The following ANK3 variants were observed in gnomAD, a reference collection of about 807,000 sequenced individuals.
The protein encoded by ANK3 is ankyrin-3.
Under a neutral mutation model 370.9 loss-of-function variants are expected in ANK3, and 57 were observed. The observed-to-expected ratio is 0.15, with a 90% CI of 0.12 to 0.19. The LOEUF (loss-of-function observed/expected upper bound fraction) is 0.19. ANK3 is among the 10% of genes least tolerant of loss of function. ANK3 has a pLI of 1.00. For missense variants in ANK3, 4,439 were observed against 5,302.1 expected (o/e 0.84, Z 5.06); for synonymous variants, 1,929 against 1,946.3 (o/e 0.99, Z 0.23).
intron 1 of ANK3, among the ~76,000 whole-genome samples, chr10:60,322,562 C>T (rs2048897672): frequency 6.6e-6 from 1 of 151,764 alleles, no homozygotes; most frequent in Non-Finnish European, 1.5e-5. Flanking sequence ...TCTGTAGCAT[C>T]CTTTTATCCC....
chr10:60,539,259 G>A (rs1458056566), intron 2 of ANK3, among the ~76,000 whole-genome samples: 1 of 151,894 alleles, frequency 6.6e-6, no homozygotes, highest in Non-Finnish European at 1.5e-5. Context: ...TTGATCCACA[G>A]GAAGTTTTAA....
chr10:60,158,907 C>T (rs2095425169), intron 23 of ANK3, among the ~76,000 whole-genome samples: 1 of 151,840 alleles, frequency 6.6e-6, no homozygotes, highest in African/African-American at 2.4e-5. Context: ...AACTCCTGGC[C>T]TCAAGTGATC....
At chr10:60,273,733 A>AC (rs2098038706) in intron 4 of ANK3, among the ~76,000 whole-genome samples, 1 of 152,028 alleles carries the variant, frequency 6.6e-6, no homozygotes. Context: ...TAATTGAATC[A>AC]TGGGGGGGGT....
rs1208989600 is a variant in ANK3, at chr10:60,395,549, CCTCTTTCTTTCTTTCTTTCTTTCTTTCT to C, written c.97-115938_97-115911del. Among the ~76,000 whole-genome samples, 99 of 119,094 alleles carry C rather than the reference CCTCTTTCTTTCTTTCTTTCTTTCTTTCT, an allele frequency of 8.3e-4. 1 individual carries two copies. Among genetic ancestry groups the C allele is most frequent in the African/African-American group, 2.9e-3 (93 of 31,638 alleles). 78.1% of individuals were successfully genotyped at this position (119,094 alleles called of 152,430 possible). ...GAACACTTAGCAATCAACTACTATG[CCTCTTTCTTTCTTTCTTTCTTTCTTTCT>C]TTCTTTCTTTCTTTCTTTCTTTCTT... On this transcript the variant is annotated intron_variant, in intron 2 of 43. Transcript: ENST00000373827.
intron 2 of ANK3, among the ~76,000 whole-genome samples, chr10:60,589,501 T>C (rs10761523): frequency 0.47 from 71,705 of 152,016 alleles, 17,312 homozygotes; most frequent in Middle Eastern, 0.52. Context: ...TTTTTTTAAG[T>C]TCAAGGTAGC....
chr10:60,337,827 T>A (rs1329863289), intron 1 of ANK3, among the ~76,000 whole-genome samples: 1 of 152,182 alleles, frequency 6.6e-6, no homozygotes, highest in Non-Finnish European at 1.5e-5. Context: ...TCCTGGTGAG[T>A]GCTATAGTAG....
chr10:60,110,828 A>T (rs1213552507), intron 26 of ANK3, among the ~76,000 whole-genome samples: 1 of 152,150 alleles, frequency 6.6e-6, no homozygotes, highest in Non-Finnish European at 1.5e-5. Flanking sequence ...TTCACGACAA[A>T]CTCTGGGCTT....
chr10:60,642,463 T>A (rs2078647751), intron 1 of ANK3, among the ~76,000 whole-genome samples: 2 of 152,176 alleles, frequency 1.3e-5, no homozygotes, highest in South Asian at 4.1e-4. Context: ...TAAGAAATGA[T>A]GAGTTCATGT....
chr10:60,358,161 T>A (rs894532923), intron 1 of ANK3, among the ~76,000 whole-genome samples: 2 of 151,632 alleles, frequency 1.3e-5, no homozygotes, highest in Non-Finnish European at 1.5e-5. Context: ...TTCTCTCTTA[T>A]CCCACTTTTC....
intron 1 of ANK3, among the ~76,000 whole-genome samples, chr10:60,718,945 A>G (rs956857780): frequency 9.9e-5 from 15 of 152,156 alleles, no homozygotes; most frequent in Admixed American, 9.8e-4. Context: ...TGGATTTATT[A>G]CAAAACACAT....
At chr10:60,160,445 G>T (rs2095469419) in intron 23 of ANK3, among the ~76,000 whole-genome samples, 1 of 152,098 alleles carries the variant, frequency 6.6e-6, no homozygotes, top group South Asian at 2.1e-4. Flanking sequence ...CCCAGGACCT[G>T]ATGGCTTTAC....
chr10:60,450,202 G>C (rs2064561069), intron 2 of ANK3, among the ~76,000 whole-genome samples: 1 of 152,152 alleles, frequency 6.6e-6, no homozygotes, highest in South Asian at 2.1e-4. Flanking sequence ...GCTGAGGCAG[G>C]AGGATCACTT....
chr10:60,068,777 T>C lies in ANK3; in HGVS notation c.12104A>G (p.Asn4035Ser). Reference sequence around the variant, plus strand: ...CCGGGAAGTCTCGGACAACGACGTGTTTCTTGAGGTACTTTCTTCCTCATC... The same window carrying C: ...CCGGGAAGTCTCGGACAACGACGTGCTTCTTGAGGTACTTTCTTCCTCATC... ...LSDEEESTSR[N>S]TSLSETSRGG... Residue 4035 changes from asparagine to serine, a missense_variant, in exon 37 of 44, where the codon AAC becomes AGC. Coordinates refer to ENST00000280772, the MANE Select transcript of ANK3 (RefSeq NM_020987.5). The C allele has an allele frequency of 6.2e-7, 1 of 1,614,210 alleles. No individual in the cohort carries two copies. Among genetic ancestry groups the C allele is most frequent in the Admixed American group, 1.7e-5 (1 of 60,028 alleles).
chr10:60,208,533 T>G (rs1278675810), intron 9 of ANK3, among the ~76,000 whole-genome samples: 2 of 152,218 alleles, frequency 1.3e-5, no homozygotes, highest in Admixed American at 6.5e-5. Flanking sequence ...TTCTTTTTCT[T>G]TTAAATAGAG....
intron 2 of ANK3, among the ~76,000 whole-genome samples, chr10:60,577,632 G>A (rs1264829051): frequency 6.6e-6 from 1 of 152,146 alleles, no homozygotes; most frequent in Non-Finnish European, 1.5e-5. Flanking sequence ...CCAGCCATGT[G>A]GAACTGTGAG....
intron 10 of ANK3, among the ~76,000 whole-genome samples, chr10:60,206,997 C>T (rs4948398): frequency 0.5 from 76,487 of 152,012 alleles, 20,535 homozygotes; most frequent in East Asian, 0.79. Context: ...TGGGAGCCCA[C>T]GCCCTGTTTT....
At chr10:60,553,455 T>C (rs940108980) in intron 2 of ANK3, among the ~76,000 whole-genome samples, 2 of 151,730 alleles carry the variant, frequency 1.3e-5, no homozygotes, top group Non-Finnish European at 3.0e-5. Context: ...TCATAATATA[T>C]TTTTAATAAA....
At chr10:60,650,922 A>G (rs376876448) in intron 1 of ANK3, among the ~76,000 whole-genome samples, 134 of 102,102 alleles carry the variant, frequency 1.3e-3, no homozygotes, top group African/African-American at 4.4e-3. Flanking sequence ...CCATTCCTAC[A>G]AAATTTTAAC....
chr10:60,609,989 T>C (rs1295891688), intron 2 of ANK3, among the ~76,000 whole-genome samples: 1 of 152,034 alleles, frequency 6.6e-6, no homozygotes, highest in Non-Finnish European at 1.5e-5. Context: ...TTAATCAGAA[T>C]ATAAAGAGAA....
Sources: allele counts gnomAD v4.1 joint callset (sites outside exome capture counted in the v4.1 genomes callset), GRCh38; gene constraint gnomAD v4.1.1; transcripts MANE v1.5; gene names NCBI Gene and HGNC (gene_info 2026-07-23, HGNC 2026-07-21).